PTPRD: variants seen among roughly 807,000 people sequenced by gnomAD.
The protein encoded by PTPRD is protein tyrosine phosphatase receptor type D, also known as receptor-type tyrosine-protein phosphatase delta.
Under a neutral mutation model 214.5 loss-of-function variants are expected in PTPRD, and 34 were observed. The observed-to-expected ratio is 0.16, with a 90% CI of 0.12 to 0.21. The LOEUF is 0.21. Among genes scored for constraint, PTPRD ranks in the 10% least tolerant of loss-of-function variants. The pLI is 1.00. For synonymous variants in PTPRD, 1,128 were observed against 845.7 expected, an observed-to-expected ratio of 1.33 and a Z score of -5.79; for missense variants, 2,545 against 2,398.7, an observed-to-expected ratio of 1.06 and a Z score of -1.27.
At chr9:8,637,225 C>A (rs1010182293) in intron 12 of PTPRD, among the ~76,000 whole-genome samples, 2 of 152,164 alleles carry the variant, frequency 1.3e-5, no homozygotes, top group Admixed American at 6.5e-5. Flanking sequence ...GCTTTGATGC[C>A]ACTATCAGGA....
intron 3 of PTPRD, among the ~76,000 whole-genome samples, chr9:10,283,172 T>C (rs116192481): frequency 0.033 from 4,968 of 151,854 alleles, 290 homozygotes; most frequent in African/African-American, 0.11. Flanking sequence ...AACCAATTAA[T>C]TTATATTTTA....
intron 4 of PTPRD, among the ~76,000 whole-genome samples, chr9:10,003,438 A>T (rs1190719127): frequency 6.6e-6 from 1 of 151,846 alleles, no homozygotes; most frequent in African/African-American, 2.4e-5. Flanking sequence ...TGGGTTGGAG[A>T]TGAATTAAGA....
At chr9:8,995,434 G>A (rs1228552618) in intron 11 of PTPRD, among the ~76,000 whole-genome samples, 1 of 151,962 alleles carries the variant, frequency 6.6e-6, no homozygotes, top group African/African-American at 2.4e-5. Context: ...ACTCGCTGCT[G>A]GGATGCTGAC....
chr9:10,189,692 TA>T (rs546698699), intron 3 of PTPRD, among the ~76,000 whole-genome samples: 5 of 151,344 alleles, frequency 3.3e-5, no homozygotes, highest in African/African-American at 1.2e-4. Context: ...ACAACGGCTG[TA>T]AAAAAAAATA....
In PTPRD at chr9:10,437,316, C is replaced by G. The variant is rs116703105; in HGVS notation, c.-599-96299G>C. 3.6e-3 allele frequency among the ~76,000 whole-genome samples: 552 copies of G among 151,912 alleles called. 3 individuals are homozygous for G. Among genetic ancestry groups the G allele is most frequent in the African/African-American group, 0.013 (519 of 41,518 alleles). On this transcript the variant is annotated intron_variant, in intron 2 of 45. Coordinates refer to ENST00000381196, the MANE Select transcript of PTPRD (RefSeq NM_002839.4). ...TGTTACATACATTAAATAGATTGCA[C>G]AAATACATATATTCAGACTATTGCA... is the stretch of plus-strand genomic sequence containing the variant.
At chr9:8,557,829 C>T (rs907744289) in intron 14 of PTPRD, among the ~76,000 whole-genome samples, 2 of 144,576 alleles carry the variant, frequency 1.4e-5, no homozygotes, top group Non-Finnish European at 3.0e-5. Context: ...CACACATATG[C>T]ATATATGTGT....
rs1368953969 is a variant in PTPRD at position 9,787,485 on chromosome 9, G to A, written c.-367-20634C>T. 2.6e-4 allele frequency among the ~76,000 whole-genome samples: 38 copies of A among 147,932 alleles called. 1 individual carries two copies. The highest frequency in any genetic ancestry group is 2.6e-3 in the Admixed American group (38 of 14,870). ...ATTTAATTAATGTTACTTTTTTTCT[G>A]TCAATTTTCTTTTGTCACAGTTTAA... On this transcript the variant is annotated intron_variant, in intron 5 of 45. Transcript: ENST00000381196.
intron 31 of PTPRD, among the ~76,000 whole-genome samples, chr9:8,469,092 G>A (rs12341471): frequency 6.6e-6 from 1 of 151,906 alleles, no homozygotes; most frequent in Non-Finnish European, 1.5e-5. Context: ...TTAATAAAAT[G>A]TTCTTTATCA....
chr9:9,930,082 T>C (rs2085892303), intron 5 of PTPRD, among the ~76,000 whole-genome samples: 1 of 152,210 alleles, frequency 6.6e-6, no homozygotes, highest in Non-Finnish European at 1.5e-5. Context: ...AGCAGAGCTA[T>C]AGGAATACAC....
intron 3 of PTPRD, among the ~76,000 whole-genome samples, chr9:10,256,879 C>G (rs62539734): frequency 0.16 from 23,881 of 152,158 alleles, 1,960 homozygotes; most frequent in Non-Finnish European, 0.17. Flanking sequence ...ACTCTATTTA[C>G]TTAACTCCTG....
intron 36 of PTPRD, among the ~76,000 whole-genome samples, chr9:8,392,792 C>T (rs2090026250): frequency 6.6e-6 from 1 of 152,050 alleles, no homozygotes; most frequent in Non-Finnish European, 1.5e-5. Flanking sequence ...AGAGAGATGG[C>T]TATGTTCTCC....
At chr9:8,889,266 A>G (rs1283831968) in intron 11 of PTPRD, among the ~76,000 whole-genome samples, 2 of 152,122 alleles carry the variant, frequency 1.3e-5, no homozygotes, top group African/African-American at 4.8e-5. Context: ...GAGAAAGAGA[A>G]TGAGAGAGAG....
chr9:10,162,681 ATATATGTG>A (rs2099135048), intron 3 of PTPRD, among the ~76,000 whole-genome samples: 2 of 147,358 alleles, frequency 1.4e-5, no homozygotes, highest in Middle Eastern at 3.3e-3. Flanking sequence ...ATATACATGT[ATATATGTG>A]TATATATATA....
chr9:10,329,418 A>T (rs926613790), intron 3 of PTPRD, among the ~76,000 whole-genome samples: 3 of 151,858 alleles, frequency 2.0e-5, no homozygotes, highest in African/African-American at 7.2e-5. Flanking sequence ...ATAAAATTTA[A>T]AAAGTTATTG....
intron 3 of PTPRD, among the ~76,000 whole-genome samples, chr9:10,101,282 A>C (rs552929296): frequency 4.6e-5 from 7 of 151,774 alleles, no homozygotes; most frequent in African/African-American, 1.4e-4. Flanking sequence ...GTGGAAATTG[A>C]TGTAGGTGTG....
chr9:8,473,235 G>C (rs946258614), intron 30 of PTPRD, among the ~76,000 whole-genome samples: 4 of 152,142 alleles, frequency 2.6e-5, no homozygotes, highest in African/African-American at 4.8e-5. Context: ...GATTACACCA[G>C]CTAGCCATTC....
chr9:8,609,731 C>T (rs1020470537), intron 14 of PTPRD, among the ~76,000 whole-genome samples: 2 of 152,132 alleles, frequency 1.3e-5, no homozygotes, highest in Admixed American at 6.5e-5. Context: ...GTTATAGGTA[C>T]TAAATTACCC....
chr9:8,325,747 T>A (rs550967283), intron 44 of PTPRD, among the ~76,000 whole-genome samples: 10 of 152,338 alleles, frequency 6.6e-5, no homozygotes, highest in Admixed American at 5.2e-4. Context: ...GTGTCCTCTC[T>A]TGTTTCATTG....
At chr9:10,322,926 T>C (rs1472915572) in intron 3 of PTPRD, among the ~76,000 whole-genome samples, 1 of 151,994 alleles carries the variant, frequency 6.6e-6, no homozygotes, top group Admixed American at 6.5e-5. Flanking sequence ...AAACCAATTC[T>C]AATGTATGGG....
Sources: gnomAD v4.1 joint callset for allele counts (sites outside exome capture counted in the v4.1 genomes callset) on GRCh38, gnomAD v4.1.1 for gene constraint, MANE v1.5 for transcripts, NCBI Gene and HGNC (gene_info 2026-07-23, HGNC 2026-07-21) for gene names.